The following MGAT4C variants were observed in gnomAD, a reference collection of about 807,000 sequenced individuals.
The protein encoded by MGAT4C is MGAT4 family member C.
A neutral mutation model predicts 40.1 loss-of-function variants in MGAT4C; 19 were observed. The ratio of observed to expected loss-of-function variants is 0.47; its 90% CI spans 0.33 to 0.70. The LOEUF is 0.70. MGAT4C is among the 30% of genes least tolerant of loss of function. The pLI is 0.02. For missense variants in MGAT4C, 491 were observed against 563.2 expected (o/e 0.87, Z 1.30); for synonymous variants, 181 against 187.1 (o/e 0.97, Z 0.27).
chr12:86,018,702 G>A (rs1889346593), intron 2 of MGAT4C, among the ~76,000 whole-genome samples: 1 of 152,058 alleles, frequency 6.6e-6, no homozygotes, highest in African/African-American at 2.4e-5. Context: ...ACAGTCCCAA[G>A]TTGTATGTTC....
At chr12:86,044,312 G>A (rs1404677696) in intron 2 of MGAT4C, among the ~76,000 whole-genome samples, 1 of 152,190 alleles carries the variant, frequency 6.6e-6, no homozygotes, top group Non-Finnish European at 1.5e-5. Flanking sequence ...CAGCCAAAGT[G>A]CTTTGTCTGA....
intron 1 of MGAT4C, among the ~76,000 whole-genome samples, chr12:86,127,606 G>C (rs1880497126): frequency 6.6e-6 from 1 of 151,910 alleles, no homozygotes; most frequent in Admixed American, 6.6e-5. Context: ...ATGACACTTA[G>C]CTGAAAACAC....
chr12:86,103,676 C>G (rs192790113), intron 1 of MGAT4C, among the ~76,000 whole-genome samples: 2 of 151,928 alleles, frequency 1.3e-5, no homozygotes, highest in Non-Finnish European at 2.9e-5. Flanking sequence ...ACCCTTGTGT[C>G]CTGTGGTTTG....
chr12:86,635,509 C>T (rs1415596107), intron 2 of MGAT4C, among the ~76,000 whole-genome samples: 1 of 152,004 alleles, frequency 6.6e-6, no homozygotes, highest in Non-Finnish European at 1.5e-5. Flanking sequence ...CTCAGTGTTT[C>T]ATAAGTAGAA....
intron 3 of MGAT4C, among the ~76,000 whole-genome samples, chr12:86,355,359 G>C (rs1250890400): frequency 6.6e-6 from 1 of 150,400 alleles, no homozygotes; most frequent in African/African-American, 2.4e-5. Flanking sequence ...GTCTCAGAAG[G>C]TTAGAAAAAA....
intron 3 of MGAT4C, among the ~76,000 whole-genome samples, chr12:86,426,233 G>A (rs1378970746): frequency 3.3e-5 from 5 of 152,096 alleles, no homozygotes; most frequent in African/African-American, 1.2e-4. Flanking sequence ...AATGTCCTTA[G>A]AGTACTGGTG....
chr12:86,449,448 A>G (rs1957389228), intron 2 of MGAT4C, among the ~76,000 whole-genome samples: 1 of 152,040 alleles, frequency 6.6e-6, no homozygotes. Flanking sequence ...AATGTGCACA[A>G]CTCTTAATTG....
intron 1 of MGAT4C, among the ~76,000 whole-genome samples, chr12:86,835,481 C>T (rs995267056): frequency 2.0e-5 from 3 of 151,714 alleles, no homozygotes; most frequent in African/African-American, 7.3e-5. Context: ...GAATTTAAGG[C>T]CATATCACTA....
At chr12:86,407,754 A>G (rs1565739514) in intron 3 of MGAT4C, among the ~76,000 whole-genome samples, 1 of 152,108 alleles carries the variant, frequency 6.6e-6, no homozygotes, top group Non-Finnish European at 1.5e-5. Context: ...TTCATTTAGT[A>G]CATACTCGGT....
rs1883461256 is a variant in MGAT4C, at chr12:85,968,383, T to G, written c.*10906A>C. On this transcript the variant is annotated 3_prime_UTR_variant, in exon 5 of 5. Transcript: ENST00000611864. ...TAGTCTCTAATTAATAAGGTGCATA[T>G]GTCAAGACTCAGGAAAACAGATCAC... The G allele has an allele frequency of 6.6e-6, 1 of 151,968 alleles. No homozygotes were observed. The highest frequency in any genetic ancestry group is 2.4e-5 in the African/African-American group (1 of 41,414). 9.4% of individuals were successfully genotyped at this position (151,968 alleles called of 1,614,324 possible). A position where few individuals can be genotyped will look rare whatever the true frequency, so the allele number is the denominator to read the frequency against.
rs150459462 is a variant in MGAT4C at position 86,189,691 on chromosome 12, C to T, written c.-57+66548G>A. On this transcript the variant is annotated intron_variant, in intron 1 of 4. Transcript: ENST00000611864. ...ACATCTTCATATGCAAACTTATAAA[C>T]CCCACATTTTAAATGACAAATCCAA... Among the ~76,000 whole-genome samples, 10 of 152,074 alleles carry T rather than the reference C, an allele frequency of 6.6e-5. No homozygotes were observed. The South Asian group carries it at 2.1e-3, about 31-fold the overall frequency.
intron 1 of MGAT4C, among the ~76,000 whole-genome samples, chr12:86,112,431 C>A (rs538435866): frequency 6.6e-6 from 1 of 151,330 alleles, no homozygotes. Context: ...TGGGAAATAC[C>A]AATAGTGGCA....
At chr12:86,145,326 A>T (rs1883373268) in intron 1 of MGAT4C, among the ~76,000 whole-genome samples, 1 of 152,152 alleles carries the variant, frequency 6.6e-6, no homozygotes, top group Non-Finnish European at 1.5e-5. Flanking sequence ...CAGTTCTGGC[A>T]ATCAGTACTT....
chr12:86,791,385 G>A (rs1296313617), intron 1 of MGAT4C, among the ~76,000 whole-genome samples: 3 of 150,232 alleles, frequency 2.0e-5, no homozygotes, highest in Non-Finnish European at 1.5e-5. Context: ...GCATTTACAC[G>A]GAAGAAAAAA....
At chr12:86,024,212 G>A (rs573670805) in intron 2 of MGAT4C, among the ~76,000 whole-genome samples, 6 of 151,636 alleles carry the variant, frequency 4.0e-5, no homozygotes, top group East Asian at 1.9e-4. Context: ...CTGTATATGC[G>A]TAAATAACGT....
chr12:86,652,337 T>C (rs1963718985), intron 2 of MGAT4C, among the ~76,000 whole-genome samples: 1 of 151,880 alleles, frequency 6.6e-6, no homozygotes, highest in Admixed American at 6.6e-5. Context: ...ATTGCCTACG[T>C]CCCCTATGAC....
chr12:86,253,913 T>G (rs1165490571), intron 1 of MGAT4C, among the ~76,000 whole-genome samples: 2 of 151,944 alleles, frequency 1.3e-5, no homozygotes, highest in African/African-American at 4.8e-5. Flanking sequence ...TTGCAATAGG[T>G]AAAAACATAA....
intron 4 of MGAT4C, among the ~76,000 whole-genome samples, chr12:86,296,187 G>A (rs1239847610): frequency 1.3e-5 from 2 of 151,424 alleles, no homozygotes; most frequent in Admixed American, 6.6e-5. Context: ...GGTTCTCCAA[G>A]GCCCCACCAG....
chr12:86,091,801 A>C (rs1352429639), intron 1 of MGAT4C, among the ~76,000 whole-genome samples: 2 of 152,062 alleles, frequency 1.3e-5, no homozygotes, highest in Non-Finnish European at 2.9e-5. Context: ...ACATCTCTGT[A>C]TTAACAGAAG....
Sources: allele counts gnomAD v4.1 joint callset (sites outside exome capture counted in the v4.1 genomes callset), GRCh38; gene constraint gnomAD v4.1.1; transcripts MANE v1.5; gene names NCBI Gene and HGNC (gene_info 2026-07-23, HGNC 2026-07-21).